EXPH5: variants seen among roughly 807,000 people sequenced by gnomAD.
EXPH5 encodes the protein exophilin 5, also known as exophilin-5.
A neutral mutation model predicts 41.1 loss-of-function variants in EXPH5; 42 were observed. The ratio of observed to expected loss-of-function variants is 1.02; its 90% CI spans 0.80 to 1.32. EXPH5 has a LOEUF of 1.32. Among genes scored for constraint, EXPH5 ranks in the 40% most tolerant of loss-of-function variants. EXPH5 has a pLI of 0.00. For missense variants in EXPH5, 2,298 were observed against 2,314.5 expected (o/e 0.99, Z 0.15); for synonymous variants, 798 against 833.5 (o/e 0.96, Z 0.73).
intron 1 of EXPH5, among the ~76,000 whole-genome samples, chr11:108,578,459 G>A (rs2094086939): frequency 6.6e-6 from 1 of 152,156 alleles, no homozygotes; most frequent in African/African-American, 2.4e-5. Context: ...TTTGAAGTCA[G>A]GTGATGTGAT....
intron 1 of EXPH5, among the ~76,000 whole-genome samples, chr11:108,542,806 C>T (rs2093919643): frequency 6.6e-6 from 1 of 152,128 alleles, no homozygotes; most frequent in Admixed American, 6.6e-5. Flanking sequence ...GCAACCTCCG[C>T]CTCCCGAGTT....
chr11:108,531,992 C>T (rs1260067675), intron 3 of EXPH5, among the ~76,000 whole-genome samples: 1 of 152,030 alleles, frequency 6.6e-6, no homozygotes, highest in Non-Finnish European at 1.5e-5. Flanking sequence ...GTTTTTGTCC[C>T]AATCCAATCA....
intron 4 of EXPH5, 133 bp downstream of exon 4, chr11:108,528,003 T>C: frequency 1.7e-6 from 1 of 603,396 alleles, no homozygotes; most frequent in Non-Finnish European, 2.9e-6. Flanking sequence ...ATTTGAACTC[T>C]TAGGGAGAAA....
At chr11:108,536,806 C>T (rs1036850784) in intron 3 of EXPH5, among the ~76,000 whole-genome samples, 3 of 152,170 alleles carry the variant, frequency 2.0e-5, no homozygotes, top group Non-Finnish European at 4.4e-5. Flanking sequence ...CTGATAAGCA[C>T]GTTTTAAAGT....
chr11:108,512,411 A>G lies in EXPH5; in HGVS notation c.3096T>C (p.His1032=). 1 of 1,611,232 alleles carries G rather than the reference A, an allele frequency of 6.2e-7. No homozygotes were observed. The highest frequency in any genetic ancestry group is 1.1e-5 in the South Asian group (1 of 90,196). ...LPRKSSSFLI[H]GRQSGSKIMA... ...TTATTTTACTTCCTGACTGCCTGCC[A>G]TGTATGAGAAAACTGCTTGATTTTC... Residue 1032 remains histidine (H), a synonymous_variant, in exon 6 of 6, where the codon CAT becomes CAC. Coordinates refer to ENST00000265843, the MANE Select transcript of EXPH5 (RefSeq NM_015065.3).
chr11:108,580,843 C>T (rs1313498765), intron 1 of EXPH5, among the ~76,000 whole-genome samples: 1 of 151,958 alleles, frequency 6.6e-6, no homozygotes, highest in African/African-American at 2.4e-5. Context: ...TAAGTGGAGG[C>T]TTAAAAAAGC....
rs568381821 is a variant in EXPH5, at chr11:108,512,948, C to T, written c.2559G>A (p.Leu853=). 2.5e-6 allele frequency: 4 copies of T among 1,612,072 alleles called. No individual in the cohort carries two copies. Among genetic ancestry groups the T allele is most frequent in the South Asian group, 2.2e-5 (2 of 90,478 alleles). The change falls in exon 6 of 6, where the codon CTG becomes CTA. Residue 853 remains leucine, a synonymous_variant. Transcript: ENST00000265843. ...AGTATTGTGCATTTTGAGTATCAGT[C>T]AGTGCAGAGCTCCAGTGGTTATTTG... is the stretch of plus-strand genomic sequence containing the variant. The part of the protein sequence containing the change: ...IITNNHWSSA[L]TDTQNAQYSK...
intron 1 of EXPH5, among the ~76,000 whole-genome samples, chr11:108,571,403 G>A (rs1428453977): frequency 6.6e-6 from 1 of 152,190 alleles, no homozygotes; most frequent in Non-Finnish European, 1.5e-5. Context: ...GAGGCACTGG[G>A]AAACAGACCA....
the EXPH5 span, among the ~76,000 whole-genome samples, chr11:108,601,771 C>T: frequency 6.6e-6 from 1 of 150,520 alleles, no homozygotes; most frequent in African/African-American, 2.5e-5. Context: ...TATTTTTCTA[C>T]AGGGTCTGAC....
intron 1 of EXPH5, among the ~76,000 whole-genome samples, chr11:108,581,755 C>T (rs749938525): frequency 2.3e-4 from 35 of 151,854 alleles, no homozygotes; most frequent in East Asian, 5.8e-4. Flanking sequence ...ACCTTTAACA[C>T]GACTAAAAAG....
At chr11:108,569,700 T>C (rs1387299873) in intron 1 of EXPH5, among the ~76,000 whole-genome samples, 1 of 152,216 alleles carries the variant, frequency 6.6e-6, no homozygotes, top group Non-Finnish European at 1.5e-5. Flanking sequence ...AGAACATTTG[T>C]ATATCTCCGG....
rs533416530 is a variant in EXPH5 at position 108,591,179 on chromosome 11, G to A, written c.119+2239C>T. ...CCTGTTGAAGCATCTCTTTTTTGTT[G>A]TTGTTCACATATGCCAAGCCAGAAC... On this transcript the variant is annotated intron_variant, in intron 1 of 5. Transcript: ENST00000265843. Among the ~76,000 whole-genome samples, 246 of 152,178 alleles carry A rather than the reference G, an allele frequency of 1.6e-3. 1 individual carries two copies. The highest frequency in any genetic ancestry group is 5.8e-3 in the African/African-American group (241 of 41,522).
At chr11:108,544,052 C>A (rs1639112608) in intron 1 of EXPH5, among the ~76,000 whole-genome samples, 2 of 152,194 alleles carry the variant, frequency 1.3e-5, no homozygotes, top group South Asian at 4.1e-4. Flanking sequence ...CAGGCACCAC[C>A]CTTTTCTGTT....
At chr11:108,562,076 A>G (rs1309461178) in intron 1 of EXPH5, among the ~76,000 whole-genome samples, 1 of 152,134 alleles carries the variant, frequency 6.6e-6, no homozygotes, top group African/African-American at 2.4e-5. Flanking sequence ...CCTGACAATA[A>G]AGTGCCACCC....
intron 1 of EXPH5, among the ~76,000 whole-genome samples, chr11:108,552,937 T>C (rs2093973889): frequency 6.6e-6 from 1 of 152,158 alleles, no homozygotes; most frequent in African/African-American, 2.4e-5. Flanking sequence ...GGCTCATGCC[T>C]GTAATCCTAG....
At chr11:108,567,523 C>G (rs1047127111) in intron 1 of EXPH5, among the ~76,000 whole-genome samples, 1 of 152,148 alleles carries the variant, frequency 6.6e-6, no homozygotes, top group Admixed American at 6.5e-5. Flanking sequence ...CTTAGTCATG[C>G]GTAGCCTTAT....
At chr11:108,560,716 A>T (rs748147800) in intron 1 of EXPH5, among the ~76,000 whole-genome samples, 3 of 152,240 alleles carry the variant, frequency 2.0e-5, no homozygotes, top group Non-Finnish European at 4.4e-5. Flanking sequence ...ATTATAGAAC[A>T]AAATCTGTAC....
rs147643559 is a variant in EXPH5, at chr11:108,563,415, C to A, written c.120-21603G>T. Among the ~76,000 whole-genome samples the A allele has an allele frequency of 1.5e-3, 235 of 152,240 alleles. 1 individual carries two copies. Among genetic ancestry groups the A allele is most frequent in the African/African-American group, 5.3e-3 (221 of 41,534 alleles). ...ATGGGGTTCTCTTAGTTCATGCCTG[C>A]TAGAGTCAGCTCCAGGGGTGAATAA... On this transcript the variant is annotated intron_variant, in intron 1 of 5. Coordinates refer to ENST00000265843, the MANE Select transcript of EXPH5 (RefSeq NM_015065.3).
intron 1 of EXPH5, among the ~76,000 whole-genome samples, chr11:108,581,627 T>A (rs1216478128): frequency 1.3e-5 from 2 of 151,826 alleles, no homozygotes; most frequent in African/African-American, 4.8e-5. Context: ...AAAATAAACA[T>A]AAAGCAGGCA....
Sources: gnomAD v4.1 joint callset for allele counts (sites outside exome capture counted in the v4.1 genomes callset) on GRCh38, gnomAD v4.1.1 for gene constraint, MANE v1.5 for transcripts, NCBI Gene and HGNC (gene_info 2026-07-23, HGNC 2026-07-21) for gene names.